EIF3CL: variants seen among roughly 807,000 people sequenced by gnomAD.
The protein encoded by EIF3CL is eukaryotic translation initiation factor 3 subunit C like.
For synonymous variants in EIF3CL, 2 were observed against 19.6 expected, an observed-to-expected ratio of 0.10 and a Z score of 2.37; for missense variants, 5 against 56.1, an observed-to-expected ratio of 0.09 and a Z score of 2.91.
the EIF3CL span, among the ~76,000 whole-genome samples, chr16:28,426,082 A>AACACACACACACAAACACAT: frequency 1.9e-5 from 2 of 103,894 alleles, no homozygotes; most frequent in Non-Finnish European, 4.1e-5. Flanking sequence ...ACTCTGTCTC[A>AACACACACACACAAACACAT]ACACACACAC....
chr16:28,422,778 A>C, the EIF3CL span, among the ~76,000 whole-genome samples: 7 of 133,076 alleles, frequency 5.3e-5, no homozygotes, highest in East Asian at 1.5e-3. Context: ...CAGAGATTGC[A>C]GTGAGCTGAG....
the EIF3CL span, among the ~76,000 whole-genome samples, chr16:28,416,743 C>G: frequency 8.8e-6 from 1 of 113,452 alleles, no homozygotes. Flanking sequence ...CCACCCCGTC[C>G]GGGAGGGAGG....
the EIF3CL span, among the ~76,000 whole-genome samples, chr16:28,417,203 C>A: frequency 6.8e-6 from 1 of 147,696 alleles, no homozygotes; most frequent in African/African-American, 2.6e-5. Flanking sequence ...GGGGGGTCAG[C>A]CCCCCTGCCC....
the EIF3CL span, among the ~76,000 whole-genome samples, chr16:28,416,766 G>A: frequency 2.9e-5 from 3 of 103,832 alleles, no homozygotes; most frequent in Non-Finnish European, 4.2e-5. Context: ...GGGGGGGTCA[G>A]CCCCCCCACC....
chr16:28,419,163 C>T, the EIF3CL span, among the ~76,000 whole-genome samples: 23 of 149,770 alleles, frequency 1.5e-4, no homozygotes, highest in African/African-American at 3.7e-4. Flanking sequence ...CCCGCCATCA[C>T]GCCTGGCTAA....
At chr16:28,418,103 G>A in the EIF3CL span, among the ~76,000 whole-genome samples, 16 of 150,536 alleles carry the variant, frequency 1.1e-4, no homozygotes, top group African/African-American at 1.5e-4. Flanking sequence ...GCCTCTGTGC[G>A]GGGTAAAAAA....
rs532715052 is a variant in EIF3CL at position 28,386,755 on chromosome 16, AACAC to A, written c.1821+1299_1821+1302del. On this transcript the variant is annotated intron_variant, in intron 15 of 20. Coordinates refer to ENST00000380876, the MANE Select transcript of EIF3CL (RefSeq NM_001317857.2). ...GCAACAGAGCGAGACTCTGTCTCAA[AACAC>A]ACACACACACACACACACACACCCC... 7.7e-3 allele frequency among the ~76,000 whole-genome samples: 615 copies of A among 79,390 alleles called. 12 individuals are homozygous for A. Among genetic ancestry groups the A allele is most frequent in the Non-Finnish European group, 9.3e-3 (367 of 39,326 alleles). The allele number at this position is 79,390 out of a possible 152,430, so 52.1% of individuals were successfully genotyped here.
chr16:28,385,380 T>TAGA (rs1330889969), intron 15 of EIF3CL, among the ~76,000 whole-genome samples: 1 of 125,004 alleles, frequency 8.0e-6, no homozygotes, highest in African/African-American at 2.7e-5. Context: ...TTGCCCAGGC[T>TAGA]AGAGTGCAGT....
At chr16:28,415,339 T>G in the EIF3CL span, among the ~76,000 whole-genome samples, 7 of 90,262 alleles carry the variant, frequency 7.8e-5, no homozygotes, top group African/African-American at 1.0e-4. Context: ...GAGGGGAGGG[T>G]CCCCAGCCAC....
At chr16:28,416,919 C>T in the EIF3CL span, among the ~76,000 whole-genome samples, 1 of 97,604 alleles carries the variant, frequency 1.0e-5, no homozygotes, top group African/African-American at 3.8e-5. Flanking sequence ...CCAGCCGCCC[C>T]GTCTGGGAGG....
the EIF3CL span, among the ~76,000 whole-genome samples, chr16:28,416,915 G>T: frequency 2.3e-5 from 2 of 88,468 alleles, 1 homozygote; most frequent in Non-Finnish European, 4.8e-5. Flanking sequence ...CCGGCCAGCC[G>T]CCCCGTCTGG....
chr16:28,419,013 T>A, the EIF3CL span, among the ~76,000 whole-genome samples: 8 of 144,750 alleles, frequency 5.5e-5, no homozygotes, highest in East Asian at 2.0e-4. Flanking sequence ...CTTTTTAAAA[T>A]TTTTTTTCTT....
the EIF3CL span, among the ~76,000 whole-genome samples, chr16:28,417,175 C>A: frequency 6.9e-6 from 1 of 144,636 alleles, no homozygotes. Flanking sequence ...CCAGCCGCCC[C>A]GTCCGGGAGG....
chr16:28,423,907 C>T, the EIF3CL span, among the ~76,000 whole-genome samples: 18 of 94,966 alleles, frequency 1.9e-4, no homozygotes, highest in South Asian at 5.0e-3. Flanking sequence ...CTGCAAGCTC[C>T]GTCTCCTGGG....
chr16:28,417,127 G>A, the EIF3CL span, among the ~76,000 whole-genome samples: 1 of 129,922 alleles, frequency 7.7e-6, no homozygotes, highest in Non-Finnish European at 1.7e-5. Context: ...CAGCCGCCCG[G>A]TCCGGGAGGG....
chr16:28,421,940 T>TGTGCTACC, the EIF3CL span, among the ~76,000 whole-genome samples: 1 of 73,738 alleles, frequency 1.4e-5, no homozygotes, highest in Non-Finnish European at 2.9e-5. Context: ...AAAATGCTAC[T>TGTGCTACC]GGAACTGCAG....
the EIF3CL span, among the ~76,000 whole-genome samples, chr16:28,417,828 A>T: frequency 0.02 from 1,535 of 77,556 alleles, 3 homozygotes; most frequent in East Asian, 0.035. Context: ...AAATAAATTT[A>T]AAAAAAAAAA....
At chr16:28,415,794 C>G in the EIF3CL span, among the ~76,000 whole-genome samples, 1 of 102,960 alleles carries the variant, frequency 9.7e-6, no homozygotes, top group Non-Finnish European at 2.2e-5. Flanking sequence ...TTTTCATGCC[C>G]TCTCCCTCTC....
chr16:28,415,848 C>G, the EIF3CL span, among the ~76,000 whole-genome samples: 1,175 of 75,792 alleles, frequency 0.016, 70 homozygotes, highest in East Asian at 0.099. Flanking sequence ...CTCCCTCTCC[C>G]TCTCCGTCTC....
Sources: gnomAD v4.1 joint callset for allele counts (sites outside exome capture counted in the v4.1 genomes callset) on GRCh38, gnomAD v4.1.1 for gene constraint, MANE v1.5 for transcripts, NCBI Gene and HGNC (gene_info 2026-07-23, HGNC 2026-07-21) for gene names.